IL1RN: variants seen among roughly 807,000 people sequenced by gnomAD.
IL1RN encodes interleukin-1 receptor antagonist protein.
A neutral mutation model predicts 13.7 loss-of-function variants in IL1RN; 10 were observed. The ratio of observed to expected loss-of-function variants is 0.73; its 90% CI spans 0.45 to 1.24. IL1RN has a LOEUF of 1.24. Ranked by LOEUF, IL1RN falls within the 50% of genes most tolerant of loss-of-function variation. The probability of loss-of-function intolerance (pLI) is 0.00; values close to 1 mark genes in which losing one functional copy is unlikely to be tolerated. For synonymous variants in IL1RN, 102 were observed against 82.7 expected, an observed-to-expected ratio of 1.23 and a Z score of -1.27; for missense variants, 213 against 222.1, an observed-to-expected ratio of 0.96 and a Z score of 0.26.
chr2:113,117,277 C>T (rs1292996037), upstream of IL1RN, among the ~76,000 whole-genome samples: 1 of 152,202 alleles, frequency 6.6e-6, no homozygotes, highest in Non-Finnish European at 1.5e-5. Flanking sequence ...TAAGACATGG[C>T]TTCCACGTAG....
At chr2:113,131,551 G>A (rs1237277641) in intron 3 of IL1RN, among the ~76,000 whole-genome samples, 1 of 152,222 alleles carries the variant, frequency 6.6e-6, no homozygotes. Context: ...CCTGTGAGAG[G>A]AGACTGCATA....
exon 2 of IL1RN, chr2:113,120,070 C>G: frequency 6.2e-7 from 1 of 1,612,780 alleles, no homozygotes; most frequent in Non-Finnish European, 8.5e-7. Flanking sequence ...TTACAGCTGA[C>G]TTGTATGAAG....
chr2:113,126,991 C>T (rs1410674915), upstream of IL1RN, among the ~76,000 whole-genome samples: 1 of 152,210 alleles, frequency 6.6e-6, no homozygotes, highest in Non-Finnish European at 1.5e-5. Context: ...CCGGTCCATT[C>T]CCCGCTTTTG....
chr2:113,120,123 C>T (rs764587458), exon 2 of IL1RN: 1 of 1,611,948 alleles, frequency 6.2e-7, no homozygotes, highest in South Asian at 1.1e-5. Context: ...AATGCTGACT[C>T]AAAGGGTAAA....
intron 1 of IL1RN, 124 bp downstream of exon 1, chr2:113,127,864 T>C: frequency 1.1e-6 from 1 of 890,052 alleles, no homozygotes; most frequent in African/African-American, 1.7e-5. Context: ...GGAGAGGATG[T>C]CCATTATTCA....
intron 3 of IL1RN, 85 bp from the exon 4 acceptor site, chr2:113,132,571 G>A: frequency 1.6e-6 from 2 of 1,262,048 alleles, no homozygotes; most frequent in Non-Finnish European, 2.3e-6. Flanking sequence ...TGTCCAGAGG[G>A]CCATTTCATG....
At chr2:113,127,842 T>A in intron 1 of IL1RN, 102 bp downstream of exon 1, 1 of 1,174,418 alleles carries the variant, frequency 8.5e-7, no homozygotes, top group Non-Finnish European at 1.2e-6. Flanking sequence ...GCCTGAGAAC[T>A]GGGTTTGGGC....
At chr2:113,117,252 G>A (rs1350643936), upstream of IL1RN, among the ~76,000 whole-genome samples, 1 of 152,232 alleles carries the variant, frequency 6.6e-6, no homozygotes, top group Admixed American at 6.5e-5. Flanking sequence ...AAGCGGGATG[G>A]ACCCTGTTAT....
chr2:113,130,074 C>G (rs868313790), intron 2 of IL1RN: 1 of 240,120 alleles, frequency 4.2e-6, no homozygotes, highest in African/African-American at 2.2e-5. Context: ...GGACACCATA[C>G]TCAGCCATAT....
intron 3 of IL1RN, among the ~76,000 whole-genome samples, chr2:113,132,330 C>T (rs573933222): frequency 6.6e-6 from 1 of 152,154 alleles, no homozygotes; most frequent in Non-Finnish European, 1.5e-5. Flanking sequence ...TGCCTGTAAT[C>T]CCAGCTACTC....
chr2:113,126,600 T>C (rs1484819595), upstream of IL1RN, among the ~76,000 whole-genome samples: 1 of 152,216 alleles, frequency 6.6e-6, no homozygotes, highest in Admixed American at 6.5e-5. Context: ...TAGAATATTG[T>C]AAGTAAGGAA....
At position 113,131,082 on chromosome 2, in the gene IL1RN, G is replaced by A. The variant is rs1457547311; in HGVS notation, c.243G>A (p.Leu81=). The A allele has an allele frequency of 1.9e-6, 3 of 1,613,760 alleles. No homozygotes were observed. Among genetic ancestry groups the A allele is most frequent in the Non-Finnish European group, 2.5e-6 (3 of 1,179,588 alleles). Residue 81 remains leucine, a synonymous_variant, in exon 3 of 4, where the codon CTG becomes CTA. Transcript: ENST00000409930. ...TGGTACCCATTGAGCCTCATGCTCT[G>A]TTCTTGGGAATCCATGGAGGGAAGA... ...IDVVPIEPHA[L]FLGIHGGKMC...
intron 2 of IL1RN, chr2:113,130,172 A>G (rs899264355): frequency 5.7e-6 from 1 of 174,824 alleles, no homozygotes; most frequent in African/African-American, 2.4e-5. Context: ...GGATGATATC[A>G]ACTGGACAAC....
At chr2:113,103,131 G>A (rs138843254), upstream of IL1RN, among the ~76,000 whole-genome samples, 7 of 152,354 alleles carry the variant, frequency 4.6e-5, no homozygotes, top group East Asian at 1.3e-3. Context: ...ATCAGAGTGG[G>A]CACATGGCCT....
chr2:113,106,956 G>A (rs954643532), upstream of IL1RN, among the ~76,000 whole-genome samples: 6 of 152,268 alleles, frequency 3.9e-5, no homozygotes, highest in South Asian at 2.1e-4. Context: ...CAAGTCAATA[G>A]GTTTAAACAG....
At chr2:113,113,060 A>AT (rs2104426204), upstream of IL1RN, 1 of 152,302 alleles carries the variant, frequency 6.6e-6, no homozygotes, top group East Asian at 1.9e-4. Flanking sequence ...TATCAGGAAG[A>AT]TTCGTATCGG....
At chr2:113,129,479 G>A (rs922130555) in intron 1 of IL1RN, 97 bp from the exon 2 acceptor site, 1 of 799,690 alleles carries the variant, frequency 1.3e-6, no homozygotes, top group Non-Finnish European at 2.3e-6. Context: ...AGAGCTGGAT[G>A]CAAATTTGAC....
Position 113,130,292 on chromosome 2 carries a change from T to C in IL1RN, c.205+628T>C, listed in dbSNP as rs1476708071. Among the ~76,000 whole-genome samples, 3 of 152,374 alleles carry C rather than the reference T, an allele frequency of 2.0e-5. 1 individual carries two copies. The highest frequency in any genetic ancestry group is 1.5e-5 in the Non-Finnish European group (1 of 68,030). On this transcript the variant is annotated intron_variant, in intron 2 of 3. Coordinates refer to ENST00000409930, the MANE Select transcript of IL1RN (RefSeq NM_173842.3). The stretch of plus-strand genomic sequence containing the variant: ...TCCCACCTTCCCTATGCCCTGGTTC[T>C]GTCTCCTGTGCCTCGCTCTGAAAGT...
intron 2 of IL1RN, chr2:113,121,409 C>A (rs982266307): frequency 2.1e-6 from 2 of 969,264 alleles, no homozygotes; most frequent in African/African-American, 3.5e-5. Flanking sequence ...GTCCCCTTCC[C>A]CATGGTGTCT....
Sources: gnomAD v4.1 joint callset for allele counts (sites outside exome capture counted in the v4.1 genomes callset) on GRCh38, gnomAD v4.1.1 for gene constraint, MANE v1.5 for transcripts, NCBI Gene and HGNC (gene_info 2026-07-23, HGNC 2026-07-21) for gene names.